PCDH7: variants seen among roughly 807,000 people sequenced by gnomAD.
The protein encoded by PCDH7 is protocadherin-7.
Under a neutral mutation model 58.9 loss-of-function variants are expected in PCDH7, and 17 were observed. The ratio of observed to expected loss-of-function variants is 0.29; its 90% confidence interval spans 0.20 to 0.43. The LOEUF is 0.43. Ranked by LOEUF, PCDH7 falls within the 20% of genes least tolerant of loss-of-function variation. The pLI, the probability that PCDH7 is intolerant of heterozygous loss-of-function variation, is 1.00. For missense variants in PCDH7, 1,274 were observed against 1,441.0 expected (o/e 0.88, Z 1.88); for synonymous variants, 664 against 616.4 (o/e 1.08, Z -1.14).
intron 3 of PCDH7, among the ~76,000 whole-genome samples, chr4:30,973,680 G>A (rs1749799130): frequency 6.6e-6 from 1 of 151,998 alleles, no homozygotes; most frequent in Non-Finnish European, 1.5e-5. Flanking sequence ...CTGGAGTGCT[G>A]AGCAATACAT....
intron 1 of PCDH7, among the ~76,000 whole-genome samples, chr4:30,853,343 A>C (rs2109348255): frequency 6.6e-6 from 1 of 152,216 alleles, no homozygotes; most frequent in East Asian, 1.9e-4. Flanking sequence ...GGTGAGTATT[A>C]GATATTTAGG....
intron 1 of PCDH7, among the ~76,000 whole-genome samples, chr4:30,840,152 T>C (rs1731026086): frequency 6.6e-6 from 1 of 152,046 alleles, no homozygotes; most frequent in East Asian, 1.9e-4. Flanking sequence ...TCAGTTATTT[T>C]TTTTTTAATC....
intron 3 of PCDH7, among the ~76,000 whole-genome samples, chr4:31,011,053 T>A (rs1259543286): frequency 2.6e-5 from 4 of 151,948 alleles, no homozygotes; most frequent in African/African-American, 9.7e-5. Context: ...AAGCCCATCA[T>A]TTTTCTGTGG....
rs758897105 is a variant in PCDH7 at position 31,142,638 on chromosome 4, A to C, written c.*173A>C. 3 of 1,367,786 alleles carry C rather than the reference A, an allele frequency of 2.2e-6. No homozygotes were observed. The Admixed American group carries it at 5.7e-5, about 26-fold the overall frequency. 84.7% of individuals were successfully genotyped at this position (1,367,786 alleles called of 1,614,324 possible). A position where few individuals can be genotyped will look rare whatever the true frequency, so the allele number is the denominator to read the frequency against. On this transcript the variant is annotated 3_prime_UTR_variant, in exon 4 of 4. Transcript: ENST00000509759. ...ATGCCTGTTGATGAACGAGGAAGCC[A>C]GGAAAAGCTGGCCAATGGGGAGGCC... is the stretch of plus-strand genomic sequence containing the variant.
At chr4:31,012,372 G>T in intron 3 of PCDH7, among the ~76,000 whole-genome samples, 1 of 139,260 alleles carries the variant, frequency 7.2e-6, no homozygotes, top group South Asian at 2.7e-4. Flanking sequence ...ACTAAATATA[G>T]AAGATGTCTC....
At chr4:30,733,413 G>T (rs1399543235), downstream of PCDH7, among the ~76,000 whole-genome samples, 3 of 152,044 alleles carry the variant, frequency 2.0e-5, no homozygotes, top group Non-Finnish European at 4.4e-5. Flanking sequence ...ATATTATAAA[G>T]ATGATAACAG....
chr4:30,886,866 T>C (rs200330883), intron 1 of PCDH7, among the ~76,000 whole-genome samples: 58,028 of 143,244 alleles, frequency 0.41, 11,926 homozygotes, highest in African/African-American at 0.45. Context: ...AGTAAACTAT[T>C]GCAAGAACAA....
intron 3 of PCDH7, among the ~76,000 whole-genome samples, chr4:31,139,842 A>G (rs1203626163): frequency 1.3e-5 from 2 of 152,204 alleles, no homozygotes; most frequent in Non-Finnish European, 2.9e-5. Context: ...GTCTCAGCCA[A>G]TTAGGCTTGT....
rs151032163 is a variant in PCDH7, at chr4:30,806,210, A to G, written c.70+81614A>G. On this transcript the variant is annotated intron_variant, in intron 1 of 3. Transcript: ENST00000509759. ...CCCAAATTGGTACAAGCATGTCCTT[A>G]TTGAGTACTAGCCTGACTCTGGAAA... is the stretch of plus-strand genomic sequence containing the variant. 9.9e-5 allele frequency among the ~76,000 whole-genome samples: 15 copies of G among 152,270 alleles called. 1 individual carries two copies. The East Asian group carries it at 2.9e-3, about 30-fold the overall frequency.
rs73815132 is a variant in PCDH7 at position 30,988,040 on chromosome 4, G to A, written c.*7+37825G>A. Among the ~76,000 whole-genome samples the A allele has an allele frequency of 3.7e-3, 560 of 152,266 alleles. 3 individuals are homozygous for A. Among genetic ancestry groups the A allele is most frequent in the African/African-American group, 0.013 (537 of 41,568 alleles). On this transcript the variant is annotated intron_variant, in intron 3 of 3. Transcript: ENST00000509759. The stretch of plus-strand genomic sequence containing the variant: ...TATTTTAAAGGCCAGATTTGCATCT[G>A]TGAAAACATGCTGTTCCCTAGAAAG...
chr4:31,066,157 G>T (rs192884848), intron 3 of PCDH7, among the ~76,000 whole-genome samples: 1 of 151,786 alleles, frequency 6.6e-6, no homozygotes, highest in East Asian at 2.0e-4. Context: ...GACACTCTGT[G>T]GCATTGGTAA....
At chr4:30,873,736 C>T (rs949911861) in intron 1 of PCDH7, among the ~76,000 whole-genome samples, 6 of 151,874 alleles carry the variant, frequency 4.0e-5, no homozygotes, top group East Asian at 1.9e-4. Flanking sequence ...GCCCCATGTT[C>T]GTAATGCAAA....
chr4:31,097,733 A>C (rs1714337974), intron 3 of PCDH7, among the ~76,000 whole-genome samples: 1 of 149,968 alleles, frequency 6.7e-6, no homozygotes, highest in African/African-American at 2.5e-5. Context: ...GATAAAGTAT[A>C]ATTTAAAAAC....
chr4:31,040,391 G>C (rs1481439391), intron 3 of PCDH7, among the ~76,000 whole-genome samples: 1 of 151,996 alleles, frequency 6.6e-6, no homozygotes, highest in Non-Finnish European at 1.5e-5. Context: ...GGCTCCTTTT[G>C]CTCAATTAAA....
chr4:31,144,880 G>A (rs182752953), downstream of PCDH7: 108 of 152,230 alleles, frequency 7.1e-4, no homozygotes, highest in African/African-American at 2.4e-3. Context: ...ACTATGGAAA[G>A]ATGCAATTCT....
chr4:30,877,330 C>T (rs1251280379), intron 1 of PCDH7, among the ~76,000 whole-genome samples: 2 of 151,876 alleles, frequency 1.3e-5, no homozygotes, highest in East Asian at 3.9e-4. Flanking sequence ...ATAATTAGGA[C>T]AGAAATGTGA....
intron 1 of PCDH7, among the ~76,000 whole-genome samples, chr4:30,816,320 T>TA (rs1281786288): frequency 6.6e-6 from 1 of 152,234 alleles, no homozygotes; most frequent in Non-Finnish European, 1.5e-5. Flanking sequence ...TTTTCAGTTC[T>TA]AAAATCTCTG....
At chr4:30,945,226 A>G (rs574470513) in intron 2 of PCDH7, among the ~76,000 whole-genome samples, 1 of 152,212 alleles carries the variant, frequency 6.6e-6, no homozygotes, top group East Asian at 1.9e-4. Context: ...TGCTACTATT[A>G]ATACAGCATA....
chr4:30,991,627 G>A (rs1231248773), intron 3 of PCDH7, among the ~76,000 whole-genome samples: 1 of 152,122 alleles, frequency 6.6e-6, no homozygotes, highest in African/African-American at 2.4e-5. Flanking sequence ...AAAGGCAAAG[G>A]TTAAATGTTT....
Sources: allele counts gnomAD v4.1 joint callset (sites outside exome capture counted in the v4.1 genomes callset), GRCh38; gene constraint gnomAD v4.1.1; transcripts MANE v1.5; gene names NCBI Gene and HGNC (gene_info 2026-07-23, HGNC 2026-07-21).